Variants in MARCHF10 observed in about 807,000 individuals in gnomAD.
MARCHF10 encodes probable E3 ubiquitin-protein ligase MARCHF10.
A neutral mutation model predicts 76.2 loss-of-function variants in MARCHF10; 64 were observed. The ratio of observed to expected loss-of-function variants is 0.84; its 90% CI spans 0.69 to 1.03. The LOEUF is 1.03. Among genes scored for constraint, MARCHF10 ranks in the 50% least tolerant of loss-of-function variants. The pLI, the probability that MARCHF10 is intolerant of heterozygous loss-of-function variation, is 0.00. For synonymous variants in MARCHF10, 340 were observed against 357.5 expected, an observed-to-expected ratio of 0.95 and a Z score of 0.55; for missense variants, 875 against 958.0, an observed-to-expected ratio of 0.91 and a Z score of 1.14.
At chr17:62,722,646 G>T in intron 7 of MARCHF10, 49 bp from the exon 8 acceptor site, 2 of 1,495,076 alleles carry the variant, frequency 1.3e-6, no homozygotes, top group Non-Finnish European at 9.2e-7. Context: ...GGGTCTGTTT[G>T]TGTTAGCACT....
At chr17:62,798,549 G>A (rs984987986) in intron 2 of MARCHF10, among the ~76,000 whole-genome samples, 1 of 152,082 alleles carries the variant, frequency 6.6e-6, no homozygotes, top group Middle Eastern at 3.2e-3. Context: ...GAAGGAGCCC[G>A]GTGAATTTGG....
At chr17:62,754,933 T>C (rs1403379469) in intron 4 of MARCHF10, among the ~76,000 whole-genome samples, 3 of 152,204 alleles carry the variant, frequency 2.0e-5, no homozygotes, top group Non-Finnish European at 4.4e-5. Flanking sequence ...AAATTTCTCT[T>C]TCAGGCTGCT....
chr17:62,784,077 A>G (rs558871327), intron 3 of MARCHF10, among the ~76,000 whole-genome samples: 1 of 152,342 alleles, frequency 6.6e-6, no homozygotes, highest in Non-Finnish European at 1.5e-5. Context: ...ACAAAAAAAG[A>G]GAATTTTAGA....
chr17:62,804,465 C>A (rs1006016468), intron 1 of MARCHF10, among the ~76,000 whole-genome samples: 14 of 152,050 alleles, frequency 9.2e-5, no homozygotes, highest in African/African-American at 3.4e-4. Context: ...AAAGAAAAAG[C>A]CAGAGAGGCA....
chr17:62,746,803 G>T, intron 4 of MARCHF10: 2 of 1,082,152 alleles, frequency 1.8e-6, no homozygotes, highest in Non-Finnish European at 2.7e-6. Context: ...AAGTTCCCAC[G>T]CACCCCAGGC....
intron 2 of MARCHF10, among the ~76,000 whole-genome samples, chr17:62,796,054 G>T (rs574006082): frequency 1.3e-5 from 2 of 151,890 alleles, no homozygotes; most frequent in African/African-American, 2.4e-5. Flanking sequence ...GCTGAGGCTG[G>T]AGTGCAGTGG....
At chr17:62,752,949 C>T (rs1275998487) in intron 4 of MARCHF10, among the ~76,000 whole-genome samples, 1 of 152,194 alleles carries the variant, frequency 6.6e-6, no homozygotes, top group East Asian at 1.9e-4. Flanking sequence ...GCATCACTTT[C>T]CTATGCAGAG....
chr17:62,805,997 T>C (rs1568238970), intron 1 of MARCHF10, among the ~76,000 whole-genome samples: 1 of 152,116 alleles, frequency 6.6e-6, no homozygotes, highest in Admixed American at 6.5e-5. Flanking sequence ...CTCTATTACA[T>C]TGTATTTTAC....
At chr17:62,728,063 A>T (rs2090846765) in intron 6 of MARCHF10, among the ~76,000 whole-genome samples, 1 of 152,234 alleles carries the variant, frequency 6.6e-6, no homozygotes, top group Admixed American at 6.5e-5. Flanking sequence ...TGCTAGAGAC[A>T]GGTCTCACTC....
intron 1 of MARCHF10, among the ~76,000 whole-genome samples, chr17:62,807,189 T>TA (rs988554427): frequency 2.0e-5 from 3 of 152,192 alleles, no homozygotes; most frequent in East Asian, 1.9e-4. Context: ...ATCTTAGCTC[T>TA]AAAAAAAACT....
At position 62,801,628 on chromosome 17, in the gene MARCHF10, C is replaced by G; in HGVS notation, c.90+18G>C. ...CTGCAAGAGAAGGCAGAAGACCATT[C>G]TTGCTTTCTGCAATTACCTGATACT... On this transcript the variant is annotated intron_variant, in intron 2 of 10. Transcript: ENST00000311269. 1.3e-6 allele frequency: 2 copies of G among 1,597,700 alleles called. No homozygotes were observed. Among genetic ancestry groups the G allele is most frequent in the Non-Finnish European group, 1.7e-6 (2 of 1,165,094 alleles).
chr17:62,785,478 T>C (rs535890196), intron 3 of MARCHF10, among the ~76,000 whole-genome samples: 3 of 152,298 alleles, frequency 2.0e-5, no homozygotes, highest in Non-Finnish European at 2.9e-5. Context: ...AAGGACTTCA[T>C]GTCTAAAACA....
At chr17:62,716,670 G>C (rs1199931437) in intron 8 of MARCHF10, among the ~76,000 whole-genome samples, 1 of 150,354 alleles carries the variant, frequency 6.7e-6, no homozygotes, top group Non-Finnish European at 1.5e-5. Flanking sequence ...ATTTTTGTAT[G>C]GTTTTTGTAA....
At chr17:62,733,663 GC>G (rs2147787402) in intron 6 of MARCHF10, among the ~76,000 whole-genome samples, 1 of 152,286 alleles carries the variant, frequency 6.6e-6, no homozygotes, top group East Asian at 1.9e-4. Context: ...GCCATTTGCA[GC>G]AAACAATAAA....
chr17:62,791,324 T>G (rs967662229), intron 2 of MARCHF10, among the ~76,000 whole-genome samples: 2 of 152,170 alleles, frequency 1.3e-5, no homozygotes, highest in African/African-American at 4.8e-5. Flanking sequence ...CCTAACCTAC[T>G]GGTATTAAAG....
At chr17:62,714,694 AC>A (rs1463406673) in intron 8 of MARCHF10, among the ~76,000 whole-genome samples, 16 of 152,276 alleles carry the variant, frequency 1.1e-4, no homozygotes, top group Admixed American at 9.2e-4. Context: ...CATCAGAAAT[AC>A]TGAGCAGGCC....
chr17:62,800,210 G>A (rs973600859), intron 2 of MARCHF10, among the ~76,000 whole-genome samples: 2 of 152,162 alleles, frequency 1.3e-5, no homozygotes, highest in African/African-American at 4.8e-5. Context: ...GCAGTGTTAA[G>A]AGCCCAATGG....
intron 2 of MARCHF10, 72 bp downstream of exon 2, chr17:62,801,574 G>A: frequency 7.8e-7 from 1 of 1,279,204 alleles, no homozygotes; most frequent in Non-Finnish European, 1.1e-6. Flanking sequence ...ATCATACGTT[G>A]ATGCTGTATT....
intron 3 of MARCHF10, among the ~76,000 whole-genome samples, chr17:62,765,260 G>A (rs914611392): frequency 6.7e-6 from 1 of 149,512 alleles, no homozygotes; most frequent in Non-Finnish European, 1.5e-5. Context: ...GCTGAGGCAC[G>A]AGAATTGCTT....
Sources: gnomAD v4.1 joint callset for allele counts (sites outside exome capture counted in the v4.1 genomes callset) on GRCh38, gnomAD v4.1.1 for gene constraint, MANE v1.5 for transcripts, NCBI Gene and HGNC (gene_info 2026-07-23, HGNC 2026-07-21) for gene names.